CUL3: variants seen among roughly 807,000 people sequenced by gnomAD.
CUL3 encodes cullin 3.
Under a neutral mutation model 89.1 loss-of-function variants are expected in CUL3, and 19 were observed. That is an observed-to-expected ratio of 0.21 (90% CI 0.15 to 0.31). CUL3 has a LOEUF of 0.31. Among genes scored for constraint, CUL3 ranks in the 10% least tolerant of loss-of-function variants. CUL3 has a pLI of 1.00. For synonymous variants in CUL3, 351 were observed against 308.4 expected (o/e 1.14, Z -1.45); for missense variants, 469 against 942.3 (o/e 0.50, Z 6.58).
intron 2 of CUL3, among the ~76,000 whole-genome samples, chr2:224,546,352 A>G (rs1447415549): frequency 6.6e-6 from 1 of 152,274 alleles, no homozygotes; most frequent in Non-Finnish European, 1.5e-5. Flanking sequence ...ACAGACTTCA[A>G]TCTCAAAAAA....
chr2:224,537,038 A>G (rs753753693), intron 2 of CUL3, among the ~76,000 whole-genome samples: 1 of 152,206 alleles, frequency 6.6e-6, no homozygotes, highest in Non-Finnish European at 1.5e-5. Context: ...GAGAATTTCT[A>G]ATAGTGGTTA....
chr2:224,576,374 T>G (rs1175201065), intron 1 of CUL3, among the ~76,000 whole-genome samples: 1 of 152,136 alleles, frequency 6.6e-6, no homozygotes, highest in East Asian at 1.9e-4. Context: ...ACTGACAATT[T>G]CAACTCATTT....
At chr2:224,540,372 T>G (rs755492967) in intron 2 of CUL3, among the ~76,000 whole-genome samples, 2 of 150,996 alleles carry the variant, frequency 1.3e-5, no homozygotes, top group African/African-American at 2.4e-5. Context: ...GGTGTTATTC[T>G]GAAAACGGCT....
intron 2 of CUL3, among the ~76,000 whole-genome samples, chr2:224,553,034 C>CT (rs1314683897): frequency 6.6e-6 from 1 of 152,204 alleles, no homozygotes; most frequent in African/African-American, 2.4e-5. Context: ...AGTAACATCT[C>CT]TAAGTCTCAT....
In CUL3 at chr2:224,505,995, T is replaced by C; in HGVS notation, c.1167A>G (p.Ser389=). 2 of 1,607,064 alleles carry C rather than the reference T, an allele frequency of 1.2e-6. No individual in the cohort carries two copies. The highest frequency in any genetic ancestry group is 1.7e-6 in the Non-Finnish European group (2 of 1,176,186). The stretch of plus-strand genomic sequence containing the variant: ...TTTTCAGCTTATCATCAATAAATAA[T>C]GAGAGGTATTCAGGAGACCTGGAGT... The part of the protein sequence containing the change: ...NLNSRSPEYL[S]LFIDDKLKKG... Residue 389 remains serine, a synonymous_variant, in exon 8 of 16, where the codon TCA becomes TCG. Transcript: ENST00000264414.
chr2:224,507,082 G>T (rs1692630247), intron 6 of CUL3, 79 bp from the exon 7 acceptor site: 1 of 1,318,806 alleles, frequency 7.6e-7, no homozygotes, highest in South Asian at 1.6e-5. Context: ...CTATAATACT[G>T]AGAGAAGCTT....
intron 6 of CUL3, among the ~76,000 whole-genome samples, chr2:224,509,216 C>T (rs1692719752): frequency 6.6e-6 from 1 of 152,040 alleles, no homozygotes; most frequent in African/African-American, 2.4e-5. Context: ...ATTAACCCCC[C>T]CACCTTTTTT....
At chr2:224,584,743 C>T (rs1288832947) in intron 1 of CUL3, among the ~76,000 whole-genome samples, 2 of 146,494 alleles carry the variant, frequency 1.4e-5, no homozygotes, top group African/African-American at 4.9e-5. Flanking sequence ...GGGCTCCCGG[C>T]GCGGGGAACG....
chr2:224,555,718 G>T (rs905011936), intron 2 of CUL3, among the ~76,000 whole-genome samples: 1 of 152,070 alleles, frequency 6.6e-6, no homozygotes, highest in East Asian at 1.9e-4. Flanking sequence ...CTGCCATCAT[G>T]GAATGCCTTC....
In CUL3 at chr2:224,472,324, A is replaced by G. The variant is rs1467565337; in HGVS notation, c.*1921T>C. The G allele has an allele frequency of 9.4e-6, 2 of 212,602 alleles. No homozygotes were observed. Among genetic ancestry groups the G allele is most frequent in the Non-Finnish European group, 1.9e-5 (2 of 105,164 alleles). 13.2% of individuals were successfully genotyped at this position (212,602 alleles called of 1,614,324 possible). A position where few individuals can be genotyped will look rare whatever the true frequency, so the allele number is the denominator to read the frequency against. Reference sequence around the variant, plus strand: ...TAATGTCTCACTTAGGAGATTTCAAATAAAGTTTTTACATCGCTCATGTTT... The same window carrying G: ...TAATGTCTCACTTAGGAGATTTCAAGTAAAGTTTTTACATCGCTCATGTTT... On this transcript the variant is annotated 3_prime_UTR_variant, in exon 16 of 16. Coordinates refer to ENST00000264414, the MANE Select transcript of CUL3 (RefSeq NM_003590.5).
chr2:224,492,379 A>G (rs1253950095), intron 13 of CUL3, among the ~76,000 whole-genome samples: 2 of 152,162 alleles, frequency 1.3e-5, no homozygotes, highest in Non-Finnish European at 2.9e-5. Flanking sequence ...TTATTGATGA[A>G]TATCAAATAC....
At chr2:224,488,033 C>T (rs181169225) in intron 13 of CUL3, among the ~76,000 whole-genome samples, 7 of 152,148 alleles carry the variant, frequency 4.6e-5, no homozygotes, top group East Asian at 3.9e-4. Context: ...GAAATAAATA[C>T]GTTATTTGAA....
chr2:224,529,891 T>A (rs1392782691), intron 3 of CUL3, among the ~76,000 whole-genome samples: 1 of 152,190 alleles, frequency 6.6e-6, no homozygotes, highest in Non-Finnish European at 1.5e-5. Flanking sequence ...AGAGGCAGTG[T>A]GTCCCATAGT....
intron 15 of CUL3, among the ~76,000 whole-genome samples, chr2:224,475,428 G>C (rs10933065): frequency 6.6e-6 from 1 of 152,070 alleles, no homozygotes; most frequent in South Asian, 2.1e-4. Context: ...AGCCAACAGA[G>C]ATGAATCTAA....
At position 224,535,579 on chromosome 2, in the gene CUL3, C is replaced by G. The variant is rs2106264326; in HGVS notation, c.327G>C (p.Trp109Cys). 6.2e-7 allele frequency: 1 copy of G among 1,611,560 alleles called. No individual in the cohort carries two copies. The highest frequency in any genetic ancestry group is 8.5e-7 in the Non-Finnish European group (1 of 1,178,732). Reference protein sequence around the residue: ...NNFLQTLNQAWNDHQTAMVMI... With the variant: ...NNFLQTLNQACNDHQTAMVMI... The stretch of plus-strand genomic sequence containing the variant: ...TCACCATAGCTGTTTGATGATCATT[C>G]CAAGCTTGATTTAGCGTTTGAAGAA... The change falls in exon 3 of 16, where the codon TGG becomes TGC. Residue 109 changes from tryptophan (W) to cysteine (C), a missense_variant. By Grantham distance (215) the Trp-to-Cys change is radical. Transcript: ENST00000264414.
intron 13 of CUL3, among the ~76,000 whole-genome samples, chr2:224,494,678 G>C (rs1175468468): frequency 6.6e-6 from 1 of 152,086 alleles, no homozygotes; most frequent in Non-Finnish European, 1.5e-5. Flanking sequence ...AATGATGCTG[G>C]AACAAACAAC....
intron 13 of CUL3, among the ~76,000 whole-genome samples, chr2:224,491,356 CTA>C (rs1423952927): frequency 6.6e-6 from 1 of 152,138 alleles, no homozygotes. Flanking sequence ...CCTGGGAAGG[CTA>C]TGATTCTTAA....
chr2:224,569,597 A>T (rs545880854), intron 1 of CUL3: 1 of 622,496 alleles, frequency 1.6e-6, no homozygotes, highest in Non-Finnish European at 2.0e-6. Flanking sequence ...TTTAAAGCAA[A>T]ATCTTTTCAT....
At chr2:224,552,826 T>C (rs903059844) in intron 2 of CUL3, among the ~76,000 whole-genome samples, 18 of 152,264 alleles carry the variant, frequency 1.2e-4, no homozygotes, top group Non-Finnish European at 2.1e-4. Context: ...GCCAAAAGCA[T>C]TGTGAATTAA....
Sources: gnomAD v4.1 joint callset for allele counts (sites outside exome capture counted in the v4.1 genomes callset) on GRCh38, gnomAD v4.1.1 for gene constraint, MANE v1.5 for transcripts, NCBI Gene and HGNC (gene_info 2026-07-23, HGNC 2026-07-21) for gene names.